The following NF1 variants were observed in gnomAD, a reference collection of about 807,000 sequenced individuals.
NF1 encodes the protein neurofibromin.
Under a neutral mutation model 325.7 loss-of-function variants are expected in NF1, and 122 were observed. The ratio of observed to expected loss-of-function variants is 0.37; its 90% CI spans 0.32 to 0.44. The LOEUF is 0.44. NF1 is among the 20% of genes least tolerant of loss of function. The pLI, the probability that NF1 is intolerant of heterozygous loss-of-function variation, is 1.00. For missense variants in NF1, 2,140 were observed against 3,415.4 expected (o/e 0.63, Z 9.31); for synonymous variants, 1,091 against 1,186.0 (o/e 0.92, Z 1.65).
chr17:31,184,506 G>A (rs1176133678), intron 8 of NF1, among the ~76,000 whole-genome samples: 3 of 151,000 alleles, frequency 2.0e-5, no homozygotes, highest in African/African-American at 4.9e-5. Flanking sequence ...AAAATTAGCC[G>A]GGCGAGGTGG....
chr17:31,315,726 G>A (rs2069003940), intron 36 of NF1, among the ~76,000 whole-genome samples: 1 of 152,144 alleles, frequency 6.6e-6, no homozygotes, highest in Non-Finnish European at 1.5e-5. Flanking sequence ...CTTGGATGAT[G>A]CATATTATAG....
intron 39 of NF1, among the ~76,000 whole-genome samples, chr17:31,332,187 C>CAG (rs767455174): frequency 2.0e-5 from 3 of 151,182 alleles, no homozygotes; most frequent in Non-Finnish European, 4.4e-5. Flanking sequence ...CTTAATCGGC[C>CAG]AGACGCGGTG....
intron 35 of NF1, among the ~76,000 whole-genome samples, chr17:31,264,411 CAA>C (rs777973376): frequency 8.6e-5 from 9 of 104,828 alleles, no homozygotes; most frequent in Admixed American, 1.0e-4. Context: ...AACTCCATCT[CAA>C]AAAAAAAAAA....
chr17:31,158,767 C>G (rs1039399014), intron 2 of NF1, among the ~76,000 whole-genome samples: 1 of 152,110 alleles, frequency 6.6e-6, no homozygotes, highest in Non-Finnish European at 1.5e-5. Context: ...TGAAGCAAAA[C>G]AGCATCTTTT....
In NF1 at chr17:31,097,885, C is replaced by T. The variant is rs1911906400; in HGVS notation, c.60+2516C>T. Among the ~76,000 whole-genome samples the T allele has an allele frequency of 2.0e-5, 3 of 151,852 alleles. No individual in the cohort carries two copies. In the South Asian group the frequency reaches 6.2e-4, roughly 32 times the overall value. ...CTAATTTTTGTATTTTTAGTAGAGACGGGGGTTTCACCATGTTGGTCAGGC... is the reference window on the plus strand; with the variant it reads ...CTAATTTTTGTATTTTTAGTAGAGATGGGGGTTTCACCATGTTGGTCAGGC... On this transcript the variant is annotated intron_variant, in intron 1 of 57. Coordinates refer to ENST00000358273, the MANE Select transcript of NF1 (RefSeq NM_001042492.3).
chr17:31,372,561 T>C (rs2070663734), intron 57 of NF1, among the ~76,000 whole-genome samples: 1 of 152,108 alleles, frequency 6.6e-6, no homozygotes, highest in South Asian at 2.1e-4. Flanking sequence ...ATTACCAGCA[T>C]CCCAAGAAGC....
chr17:31,229,245 T>C lies in NF1; in HGVS notation c.2630T>C (p.Met877Thr), dbSNP rs2151429296. 6.2e-7 allele frequency: 1 copy of C among 1,612,774 alleles called. No homozygotes were observed. Among genetic ancestry groups the C allele is most frequent in the Non-Finnish European group, 8.5e-7 (1 of 1,179,822 alleles). The stretch of plus-strand genomic sequence containing the variant: ...CCAGTCAGTGAACGTAAGGGTTCTA[T>C]GATTTCAGTGATGTCTTCAGAGGGA... The part of the protein sequence containing the change: ...MGPVSERKGS[M>T]ISVMSSEGNA... The change falls in exon 21 of 58, where the codon ATG becomes ACG. Residue 877 changes from methionine (M) to threonine (T), a missense_variant. Coordinates refer to ENST00000358273, the MANE Select transcript of NF1 (RefSeq NM_001042492.3).
chr17:31,317,752 G>T (rs2151525573), intron 36 of NF1: 1 of 152,282 alleles, frequency 6.6e-6, no homozygotes, highest in East Asian at 1.9e-4. Flanking sequence ...TCTTACGTGT[G>T]CCATATGGAA....
chr17:31,190,357 A>G (rs2066321827), intron 8 of NF1, among the ~76,000 whole-genome samples: 1 of 152,200 alleles, frequency 6.6e-6, no homozygotes, highest in Non-Finnish European at 1.5e-5. Flanking sequence ...GTATCCTTCC[A>G]GTCACATCTA....
rs376666221 is a variant in NF1 at position 31,229,258 on chromosome 17, G to A, written c.2643G>A (p.Met881Ile). ...GTAAGGGTTCTATGATTTCAGTGATGTCTTCAGAGGGAAACGCAGATACAC... is the reference window on the plus strand; with the variant it reads ...GTAAGGGTTCTATGATTTCAGTGATATCTTCAGAGGGAAACGCAGATACAC... Reference protein sequence around the residue: ...SERKGSMISVMSSEGNADTPV... With the variant: ...SERKGSMISVISSEGNADTPV... Residue 881 changes from methionine to isoleucine, a missense_variant, in exon 21 of 58, where the codon ATG (methionine) becomes ATA (isoleucine). Physicochemically the swap from Met to Ile is conservative, Grantham distance 10. Coordinates refer to ENST00000358273, the MANE Select transcript of NF1 (RefSeq NM_001042492.3). The A allele has an allele frequency of 2.5e-6, 4 of 1,613,066 alleles. No homozygotes were observed. In the African/African-American group the frequency reaches 4.0e-5, roughly 16 times the overall value.
rs1356387772 is a variant in NF1, at chr17:31,119,749, T to C, written c.60+24380T>C. On this transcript the variant is annotated intron_variant, in intron 1 of 57. Transcript: ENST00000358273. The stretch of plus-strand genomic sequence containing the variant: ...AGGGTTTTTATGGTTTTAGGTCTTA[T>C]GTTTAAGTCTTTAATCAATCTTGAG... Among the ~76,000 whole-genome samples the C allele has an allele frequency of 3.9e-5, 6 of 152,148 alleles. No homozygotes were observed. The South Asian group carries it at 1.0e-3, about 26-fold the overall frequency.
At chr17:31,347,137 A>T (rs866236457) in intron 48 of NF1, among the ~76,000 whole-genome samples, 25 of 151,720 alleles carry the variant, frequency 1.6e-4, no homozygotes, top group South Asian at 1.0e-3. Flanking sequence ...ATCATATCTT[A>T]TGTATAGAAG....
chr17:31,255,919 G>T (rs1397189508), intron 31 of NF1, among the ~76,000 whole-genome samples: 3 of 152,036 alleles, frequency 2.0e-5, no homozygotes, highest in Non-Finnish European at 2.9e-5. Context: ...TTCACAGCAG[G>T]TTAACATTTT....
rs138411879 is a variant in NF1 at position 31,181,429 on chromosome 17, A to T, written c.594A>T (p.Ala198=). The change falls in exon 6 of 58, where the codon GCA becomes GCT. Residue 198 remains alanine (A), a synonymous_variant. Transcript: ENST00000358273. ...AAATTGTGTTTTTTCCAGAAACAGC[A>T]TTTAAATTTAAAGCCCTAAAGAAGG... ...AKLKRLLKET[A]FKFKALKKVA... 9.2e-5 allele frequency: 148 copies of T among 1,613,178 alleles called. No individual in the cohort carries two copies. Among genetic ancestry groups the T allele is most frequent in the Non-Finnish European group, 1.3e-4 (148 of 1,179,542 alleles).
chr17:31,162,519 T>C (rs2065780850), intron 3 of NF1, among the ~76,000 whole-genome samples: 1 of 152,198 alleles, frequency 6.6e-6, no homozygotes, highest in African/African-American at 2.4e-5. Context: ...AAAATGCCTA[T>C]GAAAGACATT....
At chr17:31,175,107 CAAA>C (rs1171161386) in intron 5 of NF1, among the ~76,000 whole-genome samples, 3 of 29,030 alleles carry the variant, frequency 1.0e-4, no homozygotes, top group Non-Finnish European at 1.6e-4. Flanking sequence ...GACTCCATCT[CAAA>C]AAAAAAAAAA....
chr17:31,272,721 C>T (rs1440346566), intron 36 of NF1: 1 of 152,158 alleles, frequency 6.6e-6, no homozygotes, highest in Non-Finnish European at 1.5e-5. Context: ...TGTTAACAAA[C>T]ATGAAGAGCA....
intron 57 of NF1, among the ~76,000 whole-genome samples, chr17:31,366,111 T>A (rs529146414): frequency 6.6e-6 from 1 of 152,024 alleles, no homozygotes; most frequent in East Asian, 1.9e-4. Context: ...ATTTTTGTAT[T>A]TTTAGTGGAG....
intron 36 of NF1, among the ~76,000 whole-genome samples, chr17:31,310,072 G>A (rs1597807233): frequency 1.3e-5 from 2 of 152,194 alleles, no homozygotes; most frequent in African/African-American, 2.4e-5. Context: ...TTTTCCCAGC[G>A]GTAATGAGGC....
Sources: allele counts gnomAD v4.1 joint callset (sites outside exome capture counted in the v4.1 genomes callset), GRCh38; gene constraint gnomAD v4.1.1; transcripts MANE v1.5; gene names NCBI Gene and HGNC (gene_info 2026-07-23, HGNC 2026-07-21).